The following KMT2C variants were observed in gnomAD, a reference collection of about 807,000 sequenced individuals.
The protein encoded by KMT2C is histone-lysine N-methyltransferase 2C.
A neutral mutation model predicts 507.9 loss-of-function variants in KMT2C; 88 were observed. The ratio of observed to expected loss-of-function variants is 0.17; its 90% CI spans 0.15 to 0.21. KMT2C has a LOEUF of 0.21. KMT2C is among the 10% of genes least tolerant of loss of function. KMT2C has a pLI of 1.00. For synonymous variants in KMT2C, 2,049 were observed against 2,080.8 expected (o/e 0.98, Z 0.42); for missense variants, 4,954 against 5,957.8 (o/e 0.83, Z 5.55).
At chr7:152,251,783 C>G (rs1031698357) in intron 11 of KMT2C, among the ~76,000 whole-genome samples, 156 bp downstream of exon 11, 4 of 151,908 alleles carry the variant, frequency 2.6e-5, no homozygotes, top group Non-Finnish European at 5.9e-5. Flanking sequence ...CAGAGATGAC[C>G]AAGATAACAA....
chr7:152,434,441 C>T (rs1293729813), intron 1 of KMT2C, among the ~76,000 whole-genome samples: 3 of 152,130 alleles, frequency 2.0e-5, no homozygotes, highest in African/African-American at 7.2e-5. Context: ...CCTCAGTTCA[C>T]GCTACTATTT....
chr7:152,244,490 T>C (rs1338499807), intron 14 of KMT2C, among the ~76,000 whole-genome samples: 2 of 152,070 alleles, frequency 1.3e-5, no homozygotes, highest in African/African-American at 4.8e-5. Flanking sequence ...GTAACCAGCC[T>C]GGTCTACACA....
At chr7:152,431,993 C>G (rs1167567179) in intron 1 of KMT2C, among the ~76,000 whole-genome samples, 1 of 152,172 alleles carries the variant, frequency 6.6e-6, no homozygotes, top group Non-Finnish European at 1.5e-5. Flanking sequence ...GTTACAAATA[C>G]AGAGTAGCAA....
chr7:152,192,374 C>T (rs2093824617), intron 31 of KMT2C, among the ~76,000 whole-genome samples: 1 of 151,986 alleles, frequency 6.6e-6, no homozygotes, highest in Non-Finnish European at 1.5e-5. Context: ...AACCCCGTCT[C>T]TACTAAAAAT....
At position 152,199,027 on chromosome 7, in the gene KMT2C, C is replaced by A. The variant is rs1244536980; in HGVS notation, c.4273+252G>T. 3.3e-5 allele frequency among the ~76,000 whole-genome samples: 5 copies of A among 152,244 alleles called. No individual in the cohort carries two copies. In the East Asian group the frequency reaches 7.7e-4, roughly 23 times the overall value. On this transcript the variant is annotated intron_variant, in intron 27 of 58. Coordinates refer to ENST00000262189, the MANE Select transcript of KMT2C (RefSeq NM_170606.3). ...TTATAACCCCTCACATTGCCCTCAG[C>A]AAAGTGTAAACCAAATGTTTTCCTT...
At chr7:152,223,516 G>A (rs1014116536) in intron 20 of KMT2C, among the ~76,000 whole-genome samples, 1 of 152,036 alleles carries the variant, frequency 6.6e-6, no homozygotes, top group African/African-American at 2.4e-5. Flanking sequence ...AGTCTTGGGC[G>A]GGCACAGTGG....
At chr7:152,411,501 C>A (rs1196693359) in intron 1 of KMT2C, among the ~76,000 whole-genome samples, 1 of 152,198 alleles carries the variant, frequency 6.6e-6, no homozygotes, top group Non-Finnish European at 1.5e-5. Context: ...CCCTCCCTCT[C>A]TCCCACCTCC....
intron 6 of KMT2C, among the ~76,000 whole-genome samples, chr7:152,278,081 C>A (rs2096120638): frequency 6.6e-6 from 1 of 151,938 alleles, no homozygotes; most frequent in Non-Finnish European, 1.5e-5. Flanking sequence ...GGAGGTGGGG[C>A]CTTATGGGAG....
intron 26 of KMT2C, among the ~76,000 whole-genome samples, chr7:152,200,689 C>T (rs1315394048): frequency 6.6e-6 from 1 of 152,174 alleles, no homozygotes; most frequent in Non-Finnish European, 1.5e-5. Flanking sequence ...GAGATCACAT[C>T]ACTGCATTCC....
At chr7:152,415,130 T>C (rs1455792980) in intron 1 of KMT2C, among the ~76,000 whole-genome samples, 1 of 152,188 alleles carries the variant, frequency 6.6e-6, no homozygotes, top group Non-Finnish European at 1.5e-5. Flanking sequence ...GGTGATGGCA[T>C]CCGGCCTTCA....
At chr7:152,384,024 C>G (rs200809639) in intron 1 of KMT2C, among the ~76,000 whole-genome samples, 1 of 150,228 alleles carries the variant, frequency 6.7e-6, no homozygotes, top group Non-Finnish European at 1.5e-5. Flanking sequence ...GAAGGAGATC[C>G]GAGAGGCAGA....
intron 5 of KMT2C, among the ~76,000 whole-genome samples, chr7:152,311,481 C>G (rs984691116): frequency 4.6e-5 from 7 of 152,062 alleles, no homozygotes; most frequent in Non-Finnish European, 8.8e-5. Context: ...GCCACATTCC[C>G]CAAGTTCTCA....
intron 3 of KMT2C, among the ~76,000 whole-genome samples, chr7:152,322,831 A>C (rs1191922076): frequency 1.3e-5 from 2 of 152,028 alleles, no homozygotes; most frequent in Non-Finnish European, 1.5e-5. Context: ...GCAAGAAAAC[A>C]ACCTGATTAA....
chr7:152,345,463 T>C (rs2097049139), intron 2 of KMT2C, among the ~76,000 whole-genome samples: 1 of 152,150 alleles, frequency 6.6e-6, no homozygotes, highest in Non-Finnish European at 1.5e-5. Flanking sequence ...AAGAATCACT[T>C]TGAGTAACAA....
At chr7:152,356,013 TGA>T (rs1384205042) in intron 2 of KMT2C, among the ~76,000 whole-genome samples, 2 of 151,936 alleles carry the variant, frequency 1.3e-5, no homozygotes, top group African/African-American at 4.8e-5. Context: ...CCGTAATACA[TGA>T]GAGGGGACAC....
At chr7:152,197,886 G>A (rs933522174) in intron 27 of KMT2C, among the ~76,000 whole-genome samples, 1 of 151,300 alleles carries the variant, frequency 6.6e-6, no homozygotes, top group African/African-American at 2.4e-5. Flanking sequence ...TGGCCTTATT[G>A]TAAAACTGTT....
At chr7:152,154,825 C>T (rs1198681089) in intron 46 of KMT2C, 3 of 158,198 alleles carry the variant, frequency 1.9e-5, no homozygotes, top group Non-Finnish European at 4.1e-5. Flanking sequence ...TTGGATTTAA[C>T]AATAAAAAAG....
intron 44 of KMT2C, among the ~76,000 whole-genome samples, chr7:152,158,504 ATTGTTTGTTTTTTTT>A (rs1009292639): frequency 1.3e-5 from 2 of 149,692 alleles, no homozygotes; most frequent in African/African-American, 4.9e-5. Flanking sequence ...GTGTCCTTGA[ATTGTTTGTTTTTTTT>A]TTGTTTTTTT....
At chr7:152,307,232 A>C (rs1297259605) in intron 6 of KMT2C, among the ~76,000 whole-genome samples, 3 of 130,298 alleles carry the variant, frequency 2.3e-5, no homozygotes, top group African/African-American at 7.4e-5. Flanking sequence ...GAAGGAAGGA[A>C]GGAAGGAAGG....
Sources: gnomAD v4.1 joint callset for allele counts (sites outside exome capture counted in the v4.1 genomes callset) on GRCh38, gnomAD v4.1.1 for gene constraint, MANE v1.5 for transcripts, NCBI Gene and HGNC (gene_info 2026-07-23, HGNC 2026-07-21) for gene names.